ESRRG: variants seen among roughly 807,000 people sequenced by gnomAD.
The protein encoded by ESRRG is estrogen-related receptor gamma.
ESRRG carries 13 observed loss-of-function variants against 44.0 expected under a neutral mutation model. That is an observed-to-expected ratio of 0.30 (90% CI 0.19 to 0.47). ESRRG has a LOEUF of 0.47. Among genes scored for constraint, ESRRG ranks in the 20% least tolerant of loss-of-function variants. The pLI, the probability that ESRRG is intolerant of heterozygous loss-of-function variation, is 1.00. For missense variants in ESRRG, 395 were observed against 580.6 expected (o/e 0.68, Z 3.29); for synonymous variants, 215 against 214.6 (o/e 1.00, Z -0.02).
intron 3 of ESRRG, among the ~76,000 whole-genome samples, chr1:216,623,453 C>A (rs1389987273): frequency 6.6e-6 from 1 of 152,070 alleles, no homozygotes; most frequent in African/African-American, 2.4e-5. Flanking sequence ...AATAACACAC[C>A]CACATGTGGA....
chr1:216,746,625 G>A (rs2091432012), intron 2 of ESRRG, among the ~76,000 whole-genome samples: 1 of 152,052 alleles, frequency 6.6e-6, no homozygotes, highest in Non-Finnish European at 1.5e-5. Context: ...GGTATCACTT[G>A]GAACGTCATA....
rs564745342 is a variant in ESRRG at position 216,510,873 on chromosome 1, C to CAA, written c.1133-3692_1133-3691dup. On this transcript the variant is annotated intron_variant, in intron 6 of 6. Transcript: ENST00000408911. ...TGGGCGACAGAGCCAGACTCCGTCTCAAAAAAAAAAGAAGAAAACATTAAT... is the reference window on the plus strand; with the variant it reads ...TGGGCGACAGAGCCAGACTCCGTCTCAAAAAAAAAAAAGAAGAAAACATTAAT... 4.3e-3 allele frequency among the ~76,000 whole-genome samples: 636 copies of CAA among 147,238 alleles called. 3 individuals are homozygous for CAA. Among genetic ancestry groups the CAA allele is most frequent in the African/African-American group, 0.015 (602 of 40,264 alleles).
chr1:217,133,897 A>C (rs2093010911), intron 1 of ESRRG, among the ~76,000 whole-genome samples: 1 of 152,080 alleles, frequency 6.6e-6, no homozygotes, highest in African/African-American at 2.4e-5. Context: ...CCAGCACCTG[A>C]ATTCCAACAT....
rs920519408 is a variant in ESRRG, at chr1:216,506,586, G to A, written c.*353C>T. The A allele has an allele frequency of 3.8e-5, 18 of 468,298 alleles. No homozygotes were observed. The highest frequency in any genetic ancestry group is 7.1e-5 in the Admixed American group (3 of 42,456). 29.0% of individuals were successfully genotyped at this position (468,298 alleles called of 1,614,324 possible). Reference sequence around the variant, plus strand: ...AGGATGAGAAAAGAGAGGAATGAGAGTAGGTAAAGAAAAGAAAGAAGGCAG... The same window carrying A: ...AGGATGAGAAAAGAGAGGAATGAGAATAGGTAAAGAAAAGAAAGAAGGCAG... On this transcript the variant is annotated 3_prime_UTR_variant, in exon 7 of 7. Transcript: ENST00000408911.
intron 1 of ESRRG, among the ~76,000 whole-genome samples, chr1:216,971,431 G>A (rs1225523036): frequency 6.6e-6 from 1 of 152,122 alleles, no homozygotes; most frequent in African/African-American, 2.4e-5. Flanking sequence ...CCAAACTGAT[G>A]ACATTGGGCA....
chr1:217,125,304 C>T (rs572088395), intron 1 of ESRRG, among the ~76,000 whole-genome samples: 1 of 152,150 alleles, frequency 6.6e-6, no homozygotes, highest in Non-Finnish European at 1.5e-5. Flanking sequence ...ACGAAGGATG[C>T]TGTGATAAAT....
Position 216,533,659 on chromosome 1 carries a change from G to A in ESRRG, c.863-14238C>T, listed in dbSNP as rs563123521. Among the ~76,000 whole-genome samples, 93 of 152,194 alleles carry A rather than the reference G, an allele frequency of 6.1e-4. 1 individual carries two copies. Among genetic ancestry groups the A allele is most frequent in the African/African-American group, 2.1e-3 (89 of 41,540 alleles). On this transcript the variant is annotated intron_variant, in intron 5 of 6. Coordinates refer to ENST00000408911, the MANE Select transcript of ESRRG (RefSeq NM_001438.4). ...AGTTTTGAAGTTGAAATAAAAACTC[G>A]ATAATAGGCAGGGTATACTAACGCA...
At chr1:216,537,650 T>C (rs1254310455) in intron 5 of ESRRG, among the ~76,000 whole-genome samples, 3 of 152,014 alleles carry the variant, frequency 2.0e-5, no homozygotes, top group African/African-American at 7.2e-5. Context: ...ACTGGGGGCT[T>C]TGAACAAAAA....
intron 2 of ESRRG, among the ~76,000 whole-genome samples, chr1:216,850,331 T>C (rs969874245): frequency 6.6e-6 from 1 of 152,084 alleles, no homozygotes; most frequent in African/African-American, 2.4e-5. Context: ...ACCTATTATG[T>C]TTCCTCTTCT....
chr1:217,125,578 A>C (rs2092879086), intron 1 of ESRRG, among the ~76,000 whole-genome samples: 1 of 152,194 alleles, frequency 6.6e-6, no homozygotes, highest in Non-Finnish European at 1.5e-5. Context: ...TGATACTTTA[A>C]TAAATATTTG....
At chr1:216,789,604 A>G (rs1327655723) in intron 2 of ESRRG, among the ~76,000 whole-genome samples, 1 of 152,128 alleles carries the variant, frequency 6.6e-6, no homozygotes, top group Non-Finnish European at 1.5e-5. Context: ...AACTAGCACT[A>G]TCTCCGAGGT....
intron 3 of ESRRG, among the ~76,000 whole-genome samples, chr1:216,592,119 A>T (rs11117630): frequency 6.6e-6 from 1 of 152,154 alleles, no homozygotes; most frequent in Admixed American, 6.5e-5. Context: ...AAGAAACACC[A>T]TAATAGCCCA....
chr1:216,753,453 A>G (rs2092227948), intron 2 of ESRRG, among the ~76,000 whole-genome samples: 1 of 152,108 alleles, frequency 6.6e-6, no homozygotes, highest in South Asian at 2.1e-4. Context: ...TAAAGTCCAT[A>G]TTAATGATTA....
At chr1:216,558,916 C>CTGGA (rs1270430906) in intron 5 of ESRRG, among the ~76,000 whole-genome samples, 53 of 152,060 alleles carry the variant, frequency 3.5e-4, no homozygotes, top group African/African-American at 1.2e-3. Context: ...GTTACCCAGG[C>CTGGA]TGGAGTGCAG....
chr1:216,698,300 G>A (rs2080628031), intron 1 of ESRRG, among the ~76,000 whole-genome samples: 1 of 152,130 alleles, frequency 6.6e-6, no homozygotes, highest in African/African-American at 2.4e-5. Flanking sequence ...GGTGGATCAC[G>A]AAGTCAGGAG....
At chr1:216,772,077 G>A (rs1410081747) in intron 2 of ESRRG, among the ~76,000 whole-genome samples, 1 of 151,946 alleles carries the variant, frequency 6.6e-6, no homozygotes, top group Non-Finnish European at 1.5e-5. Context: ...ATACCTACAG[G>A]ATCCAGACAG....
intron 1 of ESRRG, among the ~76,000 whole-genome samples, chr1:216,706,986 G>A (rs1385186084): frequency 2.0e-5 from 3 of 152,148 alleles, no homozygotes; most frequent in Non-Finnish European, 2.9e-5. Context: ...CCAGGCTTTT[G>A]GGAACTACCA....
intron 2 of ESRRG, among the ~76,000 whole-genome samples, chr1:216,741,857 T>C (rs1403862659): frequency 6.6e-6 from 1 of 152,196 alleles, no homozygotes. Context: ...TAAGTCCTAT[T>C]GGTTCTCACT....
chr1:216,931,915 T>TGA (rs2063405981), intron 2 of ESRRG, among the ~76,000 whole-genome samples: 1 of 148,538 alleles, frequency 6.7e-6, no homozygotes, highest in African/African-American at 2.5e-5. Context: ...AATTAAAAGG[T>TGA]GAAAATAAGG....
Sources: gnomAD v4.1 joint callset for allele counts (sites outside exome capture counted in the v4.1 genomes callset) on GRCh38, gnomAD v4.1.1 for gene constraint, MANE v1.5 for transcripts, NCBI Gene and HGNC (gene_info 2026-07-23, HGNC 2026-07-21) for gene names.